MAGI1: variants seen among roughly 807,000 people sequenced by gnomAD.
MAGI1 encodes membrane associated guanylate kinase, WW and PDZ domain containing 1.
In MAGI1, 58 loss-of-function variants were observed where a neutral mutation model predicts 139.9. The observed-to-expected ratio is 0.41, with a 90% CI of 0.34 to 0.52. The LOEUF (loss-of-function observed/expected upper bound fraction) is 0.52, where lower values mean the gene tolerates loss of function less well. MAGI1 is among the 20% of genes least tolerant of loss of function. The pLI, the probability that MAGI1 is intolerant of heterozygous loss-of-function variation, is 0.12. For missense variants in MAGI1, 1,874 were observed against 1,901.6 expected, an observed-to-expected ratio of 0.99 and a Z score of 0.27; for synonymous variants, 812 against 737.9, an observed-to-expected ratio of 1.10 and a Z score of -1.63.
chr3:65,418,202 A>G (rs1946369362), intron 12 of MAGI1, among the ~76,000 whole-genome samples: 1 of 152,134 alleles, frequency 6.6e-6, no homozygotes, highest in African/African-American at 2.4e-5. Context: ...CCATTCACCT[A>G]TTATCCAAAT....
chr3:65,428,086 C>A (rs941193017), intron 12 of MAGI1, among the ~76,000 whole-genome samples: 1 of 152,142 alleles, frequency 6.6e-6, no homozygotes, highest in Non-Finnish European at 1.5e-5. Context: ...TTTGGGTTTC[C>A]TTCAAATGAC....
chr3:65,722,629 T>C (rs9871918), intron 1 of MAGI1, among the ~76,000 whole-genome samples: 35,768 of 151,776 alleles, frequency 0.24, 4,851 homozygotes, highest in Non-Finnish European at 0.31. Flanking sequence ...CGAGACCCTG[T>C]CTCAAAAACA....
intron 1 of MAGI1, among the ~76,000 whole-genome samples, chr3:65,639,454 T>C (rs541505279): frequency 1.3e-5 from 2 of 152,322 alleles, no homozygotes; most frequent in African/African-American, 4.8e-5. Flanking sequence ...GAGACTTAAA[T>C]CTGCACAGGT....
intron 1 of MAGI1, among the ~76,000 whole-genome samples, chr3:65,938,687 G>A (rs1258395429): frequency 1.3e-5 from 2 of 152,086 alleles, no homozygotes; most frequent in African/African-American, 4.8e-5. Context: ...AACCTAGGCG[G>A]GACATCCTAA....
chr3:65,401,552 C>T (rs564267267), intron 12 of MAGI1, 82 bp from the exon 13 acceptor site: 2 of 1,566,444 alleles, frequency 1.3e-6, no homozygotes, highest in East Asian at 2.4e-5. Flanking sequence ...GAACAATCCC[C>T]AGGTGTTCCA....
At chr3:65,466,229 C>T (rs796526262) in intron 5 of MAGI1, among the ~76,000 whole-genome samples, 44 of 152,218 alleles carry the variant, frequency 2.9e-4, no homozygotes, top group African/African-American at 9.6e-4. Context: ...GTGCTGTTAT[C>T]GCTGTGTTAG....
intron 1 of MAGI1, among the ~76,000 whole-genome samples, chr3:65,704,050 G>A (rs566381151): frequency 6.6e-6 from 1 of 152,220 alleles, no homozygotes; most frequent in East Asian, 1.9e-4. Flanking sequence ...AGTTAATGAA[G>A]TATCTCCTAG....
At chr3:65,588,454 G>T (rs1408595340) in intron 2 of MAGI1, among the ~76,000 whole-genome samples, 1 of 152,094 alleles carries the variant, frequency 6.6e-6, no homozygotes, top group Admixed American at 6.5e-5. Context: ...ATATGTAAAA[G>T]GCACATTAAA....
rs531033253 is a variant in MAGI1 at position 65,741,405 on chromosome 3, A to G, written c.314-119317T>C. 1.7e-4 allele frequency among the ~76,000 whole-genome samples: 26 copies of G among 152,108 alleles called. No homozygotes were observed. In the South Asian group the frequency reaches 5.4e-3, roughly 32 times the overall value. ...TAGCCAGGATGGACTCAGTCTCCTG[A>G]CCTCCTGATCCGCCCGCCTCGGCCT... On this transcript the variant is annotated intron_variant, in intron 1 of 22. Transcript: ENST00000402939.
chr3:65,493,653 C>T (rs1307802227), intron 2 of MAGI1, 22 bp from the exon 3 acceptor site: 1 of 1,613,220 alleles, frequency 6.2e-7, no homozygotes. Flanking sequence ...AATACAAAGG[C>T]ACAACAAACC....
intron 1 of MAGI1, among the ~76,000 whole-genome samples, chr3:65,978,517 C>A (rs1274991690): frequency 6.6e-6 from 1 of 152,142 alleles, no homozygotes; most frequent in Non-Finnish European, 1.5e-5. Context: ...ACCCCAAATA[C>A]TTCCAACCCA....
At chr3:65,433,889 G>A (rs936974240) in intron 10 of MAGI1, among the ~76,000 whole-genome samples, 3 of 152,230 alleles carry the variant, frequency 2.0e-5, no homozygotes, top group African/African-American at 7.2e-5. Context: ...GAAATGCTCT[G>A]CACCTGCACT....
rs563709404 is a variant in MAGI1, at chr3:65,549,494, C to T, written c.431-55863G>A. Reference sequence around the variant, plus strand: ...TCGGTGGCCGCCCGCCTCATCCCCGCGCGTCTGAGCGGCCCGGCGGCAGCT... The same window carrying T: ...TCGGTGGCCGCCCGCCTCATCCCCGTGCGTCTGAGCGGCCCGGCGGCAGCT... On this transcript the variant is annotated intron_variant, in intron 2 of 22. Coordinates refer to ENST00000402939, the MANE Select transcript of MAGI1 (RefSeq NM_001033057.2). 6.1e-6 allele frequency: 6 copies of T among 985,324 alleles called. No homozygotes were observed. In the East Asian group the frequency reaches 4.6e-4, roughly 75 times the overall value. The allele number at this position is 985,324 out of a possible 1,614,324, so 61.0% of individuals were successfully genotyped here. A position where few individuals can be genotyped will look rare whatever the true frequency, so the allele number is the denominator to read the frequency against.
intron 1 of MAGI1, among the ~76,000 whole-genome samples, chr3:65,682,033 A>T (rs977921243): frequency 1.3e-5 from 2 of 152,170 alleles, no homozygotes; most frequent in Non-Finnish European, 1.5e-5. Context: ...CAAAAATAAC[A>T]TCATTCACAT....
intron 1 of MAGI1, among the ~76,000 whole-genome samples, chr3:65,636,591 GT>G (rs1359071670): frequency 6.6e-6 from 1 of 152,034 alleles, no homozygotes; most frequent in Non-Finnish European, 1.5e-5. Context: ...AGGCTCACTG[GT>G]CACGTATTAA....
intron 17 of MAGI1, among the ~76,000 whole-genome samples, chr3:65,378,652 T>A (rs1942770993): frequency 6.6e-6 from 1 of 151,920 alleles, no homozygotes; most frequent in Non-Finnish European, 1.5e-5. Context: ...CAGGGGTTCC[T>A]ATTCAAATTT....
At chr3:65,796,006 G>A (rs1394559885) in intron 1 of MAGI1, among the ~76,000 whole-genome samples, 5 of 147,772 alleles carry the variant, frequency 3.4e-5, no homozygotes, top group Admixed American at 6.8e-5. Flanking sequence ...AGCAGAGATC[G>A]TGCCACTGCA....
intron 1 of MAGI1, among the ~76,000 whole-genome samples, chr3:65,828,489 T>C (rs11709420): frequency 0.055 from 8,379 of 152,248 alleles, 303 homozygotes; most frequent in African/African-American, 0.099. Context: ...AGCAGTAAGA[T>C]GGGAGACTGA....
chr3:65,612,768 C>T, intron 2 of MAGI1, among the ~76,000 whole-genome samples: 1 of 152,124 alleles, frequency 6.6e-6, no homozygotes, highest in South Asian at 2.1e-4. Flanking sequence ...TATTATTTCT[C>T]ATTCTCTTGA....
Sources: gnomAD v4.1 joint callset for allele counts (sites outside exome capture counted in the v4.1 genomes callset) on GRCh38, gnomAD v4.1.1 for gene constraint, MANE v1.5 for transcripts, NCBI Gene and HGNC (gene_info 2026-07-23, HGNC 2026-07-21) for gene names.